FNDC3B: variants seen among roughly 807,000 people sequenced by gnomAD.
FNDC3B encodes fibronectin type III domain containing 3B.
FNDC3B carries 12 observed loss-of-function variants against 151.5 expected under a neutral mutation model. The observed-to-expected ratio is 0.08, with a 90% CI of 0.05 to 0.13. The LOEUF is 0.13. FNDC3B is among the 10% of genes least tolerant of loss of function. FNDC3B has a pLI of 1.00. For missense variants in FNDC3B, 1,214 were observed against 1,505.3 expected, an observed-to-expected ratio of 0.81 and a Z score of 3.20; for synonymous variants, 528 against 549.0, an observed-to-expected ratio of 0.96 and a Z score of 0.54.
At chr3:172,178,425 A>C (rs781581172) in intron 3 of FNDC3B, among the ~76,000 whole-genome samples, 1 of 151,882 alleles carries the variant, frequency 6.6e-6, no homozygotes, top group African/African-American at 2.4e-5. Flanking sequence ...TTGTCAAGCA[A>C]GAGTGAGAAG....
chr3:172,134,988 TA>T (rs776856315), intron 3 of FNDC3B, among the ~76,000 whole-genome samples: 3,911 of 138,402 alleles, frequency 0.028, 131 homozygotes, highest in African/African-American at 0.08. Context: ...CCCTGTATCT[TA>T]AAAAAAAAAA....
At position 172,346,450 on chromosome 3, in the gene FNDC3B, G is replaced by C. The variant is rs1231487122; in HGVS notation, c.2364+10G>C. On this transcript the variant is annotated intron_variant, in intron 20 of 25. Coordinates refer to ENST00000415807, the MANE Select transcript of FNDC3B (RefSeq NM_022763.4). ...CTTAGTGGGTTGGGAGGTAAGTCAG[G>C]CATATTCTGCATCAACTTCTGTTTC... is the stretch of plus-strand genomic sequence containing the variant. 2 of 1,490,936 alleles carry C rather than the reference G, an allele frequency of 1.3e-6. No individual in the cohort carries two copies. Among genetic ancestry groups the C allele is most frequent in the Non-Finnish European group, 1.9e-6 (2 of 1,074,668 alleles). 92.4% of individuals were successfully genotyped at this position (1,490,936 alleles called of 1,614,324 possible). A position where few individuals can be genotyped will look rare whatever the true frequency, so the allele number is the denominator to read the frequency against.
In FNDC3B at chr3:172,385,652, G is replaced by A. The variant is rs1422724386; in HGVS notation, c.3303+4559G>A. On this transcript the variant is annotated intron_variant, in intron 25 of 25. Transcript: ENST00000415807. Reference sequence around the variant, plus strand: ...CGGCTCACTGCAAGGTCTGCCTCCCGGGTTCACGCCATTCTCCTGCCTCAG... The same window carrying A: ...CGGCTCACTGCAAGGTCTGCCTCCCAGGTTCACGCCATTCTCCTGCCTCAG... Among the ~76,000 whole-genome samples, 11 of 151,022 alleles carry A rather than the reference G, an allele frequency of 7.3e-5. No homozygotes were observed. The South Asian group carries it at 8.4e-4, about 12-fold the overall frequency.
chr3:172,336,763 C>T (rs939958008), intron 15 of FNDC3B, among the ~76,000 whole-genome samples: 9 of 151,860 alleles, frequency 5.9e-5, no homozygotes, highest in African/African-American at 4.8e-5. Flanking sequence ...ATTAGCCAGG[C>T]GTAGTGGCGG....
intron 4 of FNDC3B, among the ~76,000 whole-genome samples, chr3:172,235,661 T>C (rs1349069459): frequency 2.6e-5 from 4 of 152,216 alleles, no homozygotes; most frequent in Non-Finnish European, 5.9e-5. Flanking sequence ...ATGAAAAATA[T>C]TCTAACTTCA....
intron 3 of FNDC3B, among the ~76,000 whole-genome samples, chr3:172,185,499 G>C (rs563124493): frequency 5.1e-4 from 77 of 152,298 alleles, no homozygotes; most frequent in Non-Finnish European, 9.3e-4. Context: ...GAGACATTGA[G>C]TTCTTCTACA....
At chr3:172,114,867 G>A (rs1237654369) in intron 2 of FNDC3B, among the ~76,000 whole-genome samples, 2 of 152,104 alleles carry the variant, frequency 1.3e-5, no homozygotes, top group African/African-American at 2.4e-5. Flanking sequence ...AAAAGTGGGG[G>A]TACACTTAAA....
intron 3 of FNDC3B, among the ~76,000 whole-genome samples, chr3:172,151,313 G>T (rs902106236): frequency 7.2e-5 from 11 of 152,094 alleles, no homozygotes; most frequent in Non-Finnish European, 1.5e-4. Flanking sequence ...TAATTTTAAG[G>T]TTTCCATTGT....
rs1416381233 is a variant in FNDC3B at position 172,040,023 on chromosome 3, T to G, written c.-29+252T>G. 6.6e-6 allele frequency among the ~76,000 whole-genome samples: 1 copy of G among 152,068 alleles called. No homozygotes were observed. Among genetic ancestry groups the G allele is most frequent in the African/African-American group, 2.4e-5 (1 of 41,416 alleles). On this transcript the variant is annotated intron_variant, in intron 1 of 25. Transcript: ENST00000415807. This position sits in a 1 kb window ranked among gnomAD's most constrained non-coding sequence, Gnocchi z 6.6. ...CCTTGCTGGGCTGGGGTCCCCCGCC[T>G]GTGCCCCCTGCCTCAGGGTTTGGAG... is the stretch of plus-strand genomic sequence containing the variant.
At chr3:172,152,085 C>T (rs1375442035) in intron 3 of FNDC3B, among the ~76,000 whole-genome samples, 1 of 152,194 alleles carries the variant, frequency 6.6e-6, no homozygotes, top group Non-Finnish European at 1.5e-5. Flanking sequence ...TTCATGTTCA[C>T]AAATGACTGG....
At chr3:172,294,558 C>A (rs1056796363) in intron 7 of FNDC3B, among the ~76,000 whole-genome samples, 1 of 152,196 alleles carries the variant, frequency 6.6e-6, no homozygotes, top group African/African-American at 2.4e-5. Flanking sequence ...CCAGGCCCTC[C>A]TCCAAGATTG....
intron 7 of FNDC3B, among the ~76,000 whole-genome samples, chr3:172,287,109 C>G (rs919594881): frequency 6.6e-6 from 1 of 152,164 alleles, no homozygotes; most frequent in Non-Finnish European, 1.5e-5. Context: ...AAGATGCCTT[C>G]CTGATTGCTG....
At chr3:172,286,041 C>CTTTT in intron 7 of FNDC3B, 57 bp downstream of exon 7, 2 of 1,068,372 alleles carry the variant, frequency 1.9e-6, no homozygotes, top group African/African-American at 1.7e-5. Flanking sequence ...TTCAAATGTG[C>CTTTT]TTTTTTTTTT....
intron 1 of FNDC3B, among the ~76,000 whole-genome samples, chr3:172,070,960 G>C (rs1180599663): frequency 6.6e-6 from 1 of 151,924 alleles, no homozygotes; most frequent in African/African-American, 2.4e-5. Flanking sequence ...AGGCATTTTT[G>C]CTGCAAAAAT....
intron 4 of FNDC3B, among the ~76,000 whole-genome samples, chr3:172,234,304 A>G (rs1727030349): frequency 6.6e-6 from 1 of 152,190 alleles, no homozygotes; most frequent in Non-Finnish European, 1.5e-5. Context: ...TTAAGTCCAC[A>G]AAGGCAGGGA....
chr3:172,192,426 C>A (rs1321831249), intron 3 of FNDC3B, among the ~76,000 whole-genome samples: 1 of 151,844 alleles, frequency 6.6e-6, no homozygotes. Context: ...ACCTTGTGAT[C>A]CGCCCGCCTC....
At chr3:172,368,120 A>G (rs1370068331) in intron 23 of FNDC3B, among the ~76,000 whole-genome samples, 4 of 152,064 alleles carry the variant, frequency 2.6e-5, no homozygotes, top group Admixed American at 2.0e-4. Context: ...AATTTTTAAA[A>G]ACTTAGCCAG....
At chr3:172,178,756 T>C (rs572239192) in intron 3 of FNDC3B, among the ~76,000 whole-genome samples, 1 of 152,190 alleles carries the variant, frequency 6.6e-6, no homozygotes, top group Non-Finnish European at 1.5e-5. Flanking sequence ...CAAGTTATAA[T>C]AGAATTTCAT....
chr3:172,152,932 T>C (rs778868483), intron 3 of FNDC3B, among the ~76,000 whole-genome samples: 9 of 152,212 alleles, frequency 5.9e-5, no homozygotes, highest in Non-Finnish European at 1.2e-4. Flanking sequence ...GAATCCATCC[T>C]GTGAGGTATT....
Sources: gnomAD v4.1 joint callset for allele counts (sites outside exome capture counted in the v4.1 genomes callset) on GRCh38, gnomAD v4.1.1 for gene constraint, Gnocchi (gnomAD v3.1) non-coding constraint, MANE v1.5 for transcripts, NCBI Gene and HGNC (gene_info 2026-07-23, HGNC 2026-07-21) for gene names.